Variants in DGKG observed in about 807,000 individuals in gnomAD.
DGKG encodes DAG kinase gamma.
Under a neutral mutation model 105.3 loss-of-function variants are expected in DGKG, and 78 were observed. The observed-to-expected ratio is 0.74, with a 90% CI of 0.62 to 0.89. The LOEUF (loss-of-function observed/expected upper bound fraction) is 0.89. Ranked by LOEUF, DGKG falls within the 40% of genes least tolerant of loss-of-function variation. The pLI, the probability that DGKG is intolerant of heterozygous loss-of-function variation, is 0.00. For synonymous variants in DGKG, 346 were observed against 367.1 expected (o/e 0.94, Z 0.66); for missense variants, 958 against 1,020.1 (o/e 0.94, Z 0.83).
Position 186,242,488 on chromosome 3 carries a change from C to G in DGKG, c.1826+16G>C, listed in dbSNP as rs200822478. On this transcript the variant is annotated intron_variant, in intron 20 of 24. Coordinates refer to ENST00000265022, the MANE Select transcript of DGKG (RefSeq NM_001346.3). ...CACACTGGGTGGGTGGCAGCGCAGCCGGGCCTGCAGCTTACCTGCTGTTGA... is the reference window on the plus strand; with the variant it reads ...CACACTGGGTGGGTGGCAGCGCAGCGGGGCCTGCAGCTTACCTGCTGTTGA... 42 of 1,607,450 alleles carry G rather than the reference C, an allele frequency of 2.6e-5. 1 individual carries two copies. In the Admixed American group the frequency reaches 4.9e-4, roughly 19 times the overall value.
At chr3:186,332,119 G>A (rs766627530) in intron 1 of DGKG, among the ~76,000 whole-genome samples, 11 of 152,242 alleles carry the variant, frequency 7.2e-5, no homozygotes, top group Non-Finnish European at 1.3e-4. Flanking sequence ...GAGATGCCAC[G>A]CCCTGGTCCT....
chr3:186,162,975 T>C (rs1470405009), intron 23 of DGKG, among the ~76,000 whole-genome samples: 1 of 152,204 alleles, frequency 6.6e-6, no homozygotes, highest in Admixed American at 6.5e-5. Context: ...TGTTGCCTTC[T>C]TGCTTGAGGC....
intron 19 of DGKG, among the ~76,000 whole-genome samples, chr3:186,249,679 T>C (rs1191423784): frequency 2.6e-5 from 4 of 152,048 alleles, no homozygotes; most frequent in Non-Finnish European, 4.4e-5. Flanking sequence ...CCATCTCTAC[T>C]AAAAATACAA....
At chr3:186,227,973 C>T (rs1271076498) in intron 20 of DGKG, among the ~76,000 whole-genome samples, 2 of 152,050 alleles carry the variant, frequency 1.3e-5, no homozygotes, top group African/African-American at 4.8e-5. Flanking sequence ...TAGTAAAGTA[C>T]AATAGAAGGC....
At chr3:186,306,843 T>A in intron 3 of DGKG, 58 bp downstream of exon 3, 2 of 1,235,612 alleles carry the variant, frequency 1.6e-6, no homozygotes, top group Non-Finnish European at 2.4e-6. Flanking sequence ...GGAAACAAAT[T>A]ATGGAAAGGC....
At chr3:186,194,911 C>T (rs1159248425) in intron 21 of DGKG, among the ~76,000 whole-genome samples, 1 of 151,226 alleles carries the variant, frequency 6.6e-6, no homozygotes, top group Non-Finnish European at 1.5e-5. Flanking sequence ...CGAAACCAGC[C>T]TGGCCAACAT....
intron 20 of DGKG, among the ~76,000 whole-genome samples, chr3:186,220,938 CTAAGGGCAGGACTCCA>C (rs1462920999): frequency 1.3e-5 from 2 of 152,194 alleles, no homozygotes; most frequent in African/African-American, 4.8e-5. Flanking sequence ...GTATCTCCTC[CTAAGGGCAGGACTCCA>C]AGCACGAAGA....
intron 20 of DGKG, among the ~76,000 whole-genome samples, chr3:186,230,830 G>A (rs11718541): frequency 0.7 from 105,912 of 152,066 alleles, 39,541 homozygotes; most frequent in East Asian, 0.97. Flanking sequence ...GGAGTGGGAG[G>A]CAGAAAGCTC....
intron 13 of DGKG, among the ~76,000 whole-genome samples, chr3:186,266,665 T>C (rs1722069549): frequency 6.6e-6 from 1 of 152,208 alleles, no homozygotes; most frequent in South Asian, 2.1e-4. Context: ...TGGTGTGATC[T>C]TGGCTCACTG....
chr3:186,185,717 A>G (rs1211839863), intron 22 of DGKG, among the ~76,000 whole-genome samples: 1 of 152,140 alleles, frequency 6.6e-6, no homozygotes, highest in Non-Finnish European at 1.5e-5. Context: ...AGCACCCACA[A>G]CTTCCCCTGC....
intron 20 of DGKG, among the ~76,000 whole-genome samples, chr3:186,240,647 TA>T (rs1720638748): frequency 6.6e-6 from 1 of 151,920 alleles, no homozygotes; most frequent in African/African-American, 2.4e-5. Flanking sequence ...CTGTCTCTAC[TA>T]AAAATACAAA....
intron 9 of DGKG, 31 bp downstream of exon 9, chr3:186,279,820 G>T: frequency 6.2e-7 from 1 of 1,607,546 alleles, no homozygotes; most frequent in Non-Finnish European, 8.5e-7. Flanking sequence ...TGAATGGCAA[G>T]AGATCTCTGA....
chr3:186,149,448 C>T lies in DGKG; in HGVS notation c.*642G>A. The T allele has an allele frequency of 3.0e-6, 3 of 985,378 alleles. No homozygotes were observed. The South Asian group carries it at 1.4e-4, about 46-fold the overall frequency. 61.0% of individuals were successfully genotyped at this position (985,378 alleles called of 1,614,324 possible). A position where few individuals can be genotyped will look rare whatever the true frequency, so the allele number is the denominator to read the frequency against. On this transcript the variant is annotated 3_prime_UTR_variant, in exon 25 of 25. Coordinates refer to ENST00000265022, the MANE Select transcript of DGKG (RefSeq NM_001346.3). ...GAAGGTTCCTGGAAAATAACAAGTG[C>T]CCACCGACGGCGCAGAAACCCAAGA...
At chr3:186,260,228 G>A (rs1721696751) in intron 16 of DGKG, among the ~76,000 whole-genome samples, 1 of 152,186 alleles carries the variant, frequency 6.6e-6, no homozygotes, top group African/African-American at 2.4e-5. Context: ...AGCTACAGGA[G>A]GCCACTTCTC....
intron 1 of DGKG, among the ~76,000 whole-genome samples, chr3:186,329,725 C>A (rs1339805709): frequency 6.6e-6 from 1 of 152,228 alleles, no homozygotes; most frequent in Non-Finnish European, 1.5e-5. Context: ...GTTCCTTCTT[C>A]AACTCTATAA....
chr3:186,218,332 G>A (rs541873806), intron 20 of DGKG, among the ~76,000 whole-genome samples: 1 of 151,792 alleles, frequency 6.6e-6, no homozygotes, highest in South Asian at 2.1e-4. Context: ...GTGAAACCCT[G>A]TCTCTACTAA....
chr3:186,161,620 TC>T lies in DGKG; in HGVS notation c.2259del (p.Trp753Ter). ...AGACTCACCGTGCAACATGGCTGCA[TC>T]CAGGGTTCTCCATCCACTTGCATTG... The part of the protein sequence containing the change: ...LLPMQVDGEP[W>X]MQPCCTIKIT... On this transcript the variant is annotated frameshift_variant, in exon 24 of 25. Coordinates refer to ENST00000265022, the MANE Select transcript of DGKG (RefSeq NM_001346.3). LOFTEE classifies it high-confidence loss of function. 6.2e-7 allele frequency: 1 copy of T among 1,614,194 alleles called. No individual in the cohort carries two copies. Among genetic ancestry groups the T allele is most frequent in the Admixed American group, 1.7e-5 (1 of 60,026 alleles).
intron 23 of DGKG, among the ~76,000 whole-genome samples, chr3:186,162,882 T>G (rs1716367097): frequency 6.6e-6 from 1 of 151,908 alleles, no homozygotes; most frequent in Admixed American, 6.6e-5. Context: ...ATAAGCACAC[T>G]CTGGGGTTGC....
intron 1 of DGKG, among the ~76,000 whole-genome samples, chr3:186,325,304 A>C (rs1326760426): frequency 2.0e-5 from 3 of 152,294 alleles, no homozygotes; most frequent in South Asian, 2.1e-4. Flanking sequence ...TACTATGCTC[A>C]CTACCTGGGT....
Sources: gnomAD v4.1 joint callset for allele counts (sites outside exome capture counted in the v4.1 genomes callset) on GRCh38, gnomAD v4.1.1 for gene constraint, MANE v1.5 for transcripts, NCBI Gene and HGNC (gene_info 2026-07-23, HGNC 2026-07-21) for gene names.